The following MAP2 variants were observed in gnomAD, a reference collection of about 807,000 sequenced individuals.
MAP2 encodes the protein microtubule associated protein 2, also known as microtubule-associated protein 2.
Under a neutral mutation model 137.6 loss-of-function variants are expected in MAP2, and 14 were observed. That is an observed-to-expected ratio of 0.10 (90% confidence interval 0.07 to 0.16). The LOEUF (loss-of-function observed/expected upper bound fraction) is 0.16. Ranked by LOEUF, MAP2 falls within the 10% of genes least tolerant of loss-of-function variation. The pLI, the probability that MAP2 is intolerant of heterozygous loss-of-function variation, is 1.00. For missense variants in MAP2, 2,088 were observed against 2,191.5 expected, an observed-to-expected ratio of 0.95 and a Z score of 0.94; for synonymous variants, 786 against 782.3, an observed-to-expected ratio of 1.00 and a Z score of -0.08.
chr2:209,595,364 G>T (rs1024602274), intron 3 of MAP2, among the ~76,000 whole-genome samples: 22 of 152,078 alleles, frequency 1.4e-4, no homozygotes, highest in African/African-American at 4.8e-4. Context: ...GAAAGTTTCT[G>T]CTTTCTCAGT....
chr2:209,616,852 G>C (rs1471682094), intron 3 of MAP2, among the ~76,000 whole-genome samples: 12 of 152,168 alleles, frequency 7.9e-5, no homozygotes, highest in Admixed American at 7.9e-4. Context: ...CACAGGCTGG[G>C]GGGCTTAGGT....
At chr2:209,486,573 C>T (rs1466251131) in intron 1 of MAP2, among the ~76,000 whole-genome samples, 1 of 152,174 alleles carries the variant, frequency 6.6e-6, no homozygotes, top group Non-Finnish European at 1.5e-5. Context: ...TCTCGGTTCA[C>T]AGTCAGGCTG....
intron 1 of MAP2, among the ~76,000 whole-genome samples, chr2:209,454,885 A>G (rs975915794): frequency 4.6e-5 from 7 of 152,204 alleles, no homozygotes; most frequent in Non-Finnish European, 1.5e-5. Flanking sequence ...CTTAAACAGC[A>G]GACATTTATT....
intron 1 of MAP2, among the ~76,000 whole-genome samples, chr2:209,505,555 G>A (rs1291813785): frequency 6.6e-6 from 1 of 152,162 alleles, no homozygotes; most frequent in East Asian, 1.9e-4. Flanking sequence ...TTGCAAAGCT[G>A]TAACATCATT....
chr2:209,614,444 A>C (rs139931360), intron 3 of MAP2, among the ~76,000 whole-genome samples: 83 of 152,216 alleles, frequency 5.5e-4, no homozygotes, highest in African/African-American at 1.9e-3. Context: ...CTTTGGTAGA[A>C]TCTTAATGAT....
At chr2:209,646,616 AC>A (rs2094437976) in intron 4 of MAP2, among the ~76,000 whole-genome samples, 1 of 152,176 alleles carries the variant, frequency 6.6e-6, no homozygotes, top group South Asian at 2.1e-4. Flanking sequence ...TAAAAGACCT[AC>A]CCATCAGCTA....
chr2:209,489,977 G>A (rs926787504), intron 1 of MAP2, among the ~76,000 whole-genome samples: 4 of 151,418 alleles, frequency 2.6e-5, no homozygotes, highest in African/African-American at 7.3e-5. Context: ...AGCAATAATC[G>A]TTAGATTCAC....
At chr2:209,577,949 G>A (rs2153388158) in intron 2 of MAP2, among the ~76,000 whole-genome samples, 1 of 152,320 alleles carries the variant, frequency 6.6e-6, no homozygotes, top group Non-Finnish European at 1.5e-5. Flanking sequence ...TCTTCAGAAT[G>A]ATTGCAATGC....
intron 2 of MAP2, among the ~76,000 whole-genome samples, chr2:209,543,570 A>T (rs574584772): frequency 1.3e-5 from 2 of 152,242 alleles, no homozygotes; most frequent in African/African-American, 2.4e-5. Flanking sequence ...TATAGTATTC[A>T]TAAATCTCCT....
chr2:209,550,775 A>G (rs1421680024), intron 2 of MAP2, among the ~76,000 whole-genome samples: 1 of 152,172 alleles, frequency 6.6e-6, no homozygotes, highest in Non-Finnish European at 1.5e-5. Flanking sequence ...TTCTGGAAAC[A>G]CTTCCTACTT....
chr2:209,686,249 A>C lies in MAP2; in HGVS notation c.454+5422A>C, dbSNP rs2056966606. On this transcript the variant is annotated intron_variant, in intron 7 of 15. Coordinates refer to ENST00000682079, the MANE Select transcript of MAP2 (RefSeq NM_001375505.1). ...GATATAAAAAGCATTGTGGCTGAGA[A>C]AGTTCTGAGCATCCATCCAGAAACA... Among the ~76,000 whole-genome samples, 3 of 152,322 alleles carry C rather than the reference A, an allele frequency of 2.0e-5. No homozygotes were observed. In the South Asian group the frequency reaches 6.2e-4, roughly 32 times the overall value.
intron 3 of MAP2, among the ~76,000 whole-genome samples, chr2:209,618,953 A>G (rs1240945504): frequency 6.6e-6 from 1 of 152,218 alleles, no homozygotes; most frequent in Non-Finnish European, 1.5e-5. Flanking sequence ...CAGCCATAAC[A>G]AAGAAAAAAA....
At chr2:209,670,586 C>G (rs1559522159) in intron 5 of MAP2, among the ~76,000 whole-genome samples, 3 of 151,822 alleles carry the variant, frequency 2.0e-5, no homozygotes. Context: ...TAGGCCAGTT[C>G]TATTAAACTC....
At chr2:209,521,544 C>T (rs1468428873) in intron 2 of MAP2, among the ~76,000 whole-genome samples, 1 of 151,662 alleles carries the variant, frequency 6.6e-6, no homozygotes, top group South Asian at 2.1e-4. Flanking sequence ...TTCTTGTAAA[C>T]TCTTTAATCT....
At chr2:209,635,789 G>C (rs546194972) in intron 4 of MAP2, among the ~76,000 whole-genome samples, 1 of 152,286 alleles carries the variant, frequency 6.6e-6, no homozygotes, top group Admixed American at 6.5e-5. Flanking sequence ...CTCCCTGAAA[G>C]TTAAAACGCA....
chr2:209,493,092 A>G (rs1040826744), intron 1 of MAP2, among the ~76,000 whole-genome samples: 2 of 152,156 alleles, frequency 1.3e-5, no homozygotes, highest in Non-Finnish European at 2.9e-5. Context: ...ACATAGACCA[A>G]TGGAACAGAA....
At chr2:209,630,672 C>T (rs950103865) in intron 4 of MAP2, among the ~76,000 whole-genome samples, 9 of 151,802 alleles carry the variant, frequency 5.9e-5, no homozygotes, top group African/African-American at 2.2e-4. Flanking sequence ...TATAAAGAGC[C>T]AAAGAGTAGG....
intron 2 of MAP2, among the ~76,000 whole-genome samples, chr2:209,550,156 T>G (rs2068878370): frequency 6.6e-6 from 1 of 152,180 alleles, no homozygotes; most frequent in African/African-American, 2.4e-5. Flanking sequence ...AGAAACATTT[T>G]TAATGTGATT....
intron 1 of MAP2, among the ~76,000 whole-genome samples, chr2:209,435,140 A>G (rs1574758493): frequency 6.6e-6 from 1 of 151,378 alleles, no homozygotes; most frequent in Non-Finnish European, 1.5e-5. Context: ...AATTTCTTCT[A>G]TATAGACAAC....
Sources: gnomAD v4.1 joint callset for allele counts (sites outside exome capture counted in the v4.1 genomes callset) on GRCh38, gnomAD v4.1.1 for gene constraint, MANE v1.5 for transcripts, NCBI Gene and HGNC (gene_info 2026-07-23, HGNC 2026-07-21) for gene names.